Variants in PTCH1 observed in about 807,000 individuals in gnomAD.
PTCH1 encodes protein patched homolog 1.
Under a neutral mutation model 144.6 loss-of-function variants are expected in PTCH1, and 14 were observed. The ratio of observed to expected loss-of-function variants is 0.10; its 90% CI spans 0.06 to 0.15. The LOEUF is 0.15. Ranked by LOEUF, PTCH1 falls within the 10% of genes least tolerant of loss-of-function variation. The probability of loss-of-function intolerance (pLI) is 1.00; values close to 1 mark genes in which losing one functional copy is unlikely to be tolerated. For synonymous variants in PTCH1, 833 were observed against 793.6 expected (o/e 1.05, Z -0.83); for missense variants, 1,623 against 1,948.3 (o/e 0.83, Z 3.14).
intron 16 of PTCH1, among the ~76,000 whole-genome samples, chr9:95,461,530 A>C (rs921422689): frequency 1.3e-5 from 2 of 152,200 alleles, no homozygotes; most frequent in African/African-American, 4.8e-5. Flanking sequence ...CCTAGAACTG[A>C]AAGAATCACA....
rs929099323 is a variant in PTCH1, at chr9:95,449,695, G to A, written c.3549+146C>T. On this transcript the variant is annotated intron_variant, in intron 21 of 23. Transcript: ENST00000331920. This position sits in a 1 kb window ranked among gnomAD's most constrained non-coding sequence, Gnocchi z 5.3. ...CTCTAGCCCTCAAAGCCAGTACACC[G>A]AAGAGGAAAACAGACATGACTCTGA... 5.7e-6 allele frequency: 5 copies of A among 870,822 alleles called. No individual in the cohort carries two copies. Among genetic ancestry groups the A allele is most frequent in the East Asian group, 5.3e-5 (2 of 37,754 alleles). The allele number at this position is 870,822 out of a possible 1,614,324, so 53.9% of individuals were successfully genotyped here.
rs183556626 is a variant in PTCH1 at position 95,486,990 on chromosome 9, C to T, written c.395-1116G>A. On this transcript the variant is annotated intron_variant, in intron 2 of 23. Transcript: ENST00000331920. ...TGCAGCGACAGTTTAGAAAAAAACT[C>T]AGTGATCATAGCTTTCCCACGAGGA... Among the ~76,000 whole-genome samples, 515 of 152,318 alleles carry T rather than the reference C, an allele frequency of 3.4e-3. 9 individuals are homozygous for T. The highest frequency in any genetic ancestry group is 1.1e-3 in the Non-Finnish European group (77 of 68,020).
intron 12 of PTCH1, among the ~76,000 whole-genome samples, chr9:95,472,102 AC>A (rs1172906261): frequency 7.2e-6 from 1 of 139,776 alleles, no homozygotes; most frequent in African/African-American, 3.3e-5. Context: ...TGTGAAAAAA[AC>A]ACAGAGTGTG....
chr9:95,454,550 T>G (rs1282865022), intron 19 of PTCH1, among the ~76,000 whole-genome samples: 3 of 152,228 alleles, frequency 2.0e-5, no homozygotes, highest in African/African-American at 7.2e-5. Flanking sequence ...GTAAAGACAT[T>G]AGGGTCAATA....
chr9:95,458,319 G>A lies in PTCH1; in HGVS notation c.2888-26C>T. 2.5e-6 allele frequency: 4 copies of A among 1,611,252 alleles called. No individual in the cohort carries two copies. The highest frequency in any genetic ancestry group is 3.4e-6 in the Non-Finnish European group (4 of 1,178,970). On this transcript the variant is annotated intron_variant, in intron 17 of 23. Coordinates refer to ENST00000331920, the MANE Select transcript of PTCH1 (RefSeq NM_000264.5). This position sits in a 1 kb window ranked among gnomAD's most constrained non-coding sequence, Gnocchi z 4.7. Reference sequence around the variant, plus strand: ...CTGGACAGAGAAGGGCACAGGTTAGGAGCAGCCCAGGGTAGAAGAGCATCA... The same window carrying A: ...CTGGACAGAGAAGGGCACAGGTTAGAAGCAGCCCAGGGTAGAAGAGCATCA...
At chr9:95,495,866 G>A (rs1057285263) in intron 2 of PTCH1, among the ~76,000 whole-genome samples, 18 of 152,050 alleles carry the variant, frequency 1.2e-4, no homozygotes, top group African/African-American at 3.9e-4. Flanking sequence ...CCTCCATCCC[G>A]GCCCCACTCA....
chr9:95,511,744 G>A (rs977653530), upstream of PTCH1, among the ~76,000 whole-genome samples: 3 of 152,208 alleles, frequency 2.0e-5, no homozygotes, highest in Non-Finnish European at 4.4e-5. Flanking sequence ...CAGGAAAAGA[G>A]GTTTACTATT....
chr9:95,461,711 A>G, intron 16 of PTCH1, 145 bp downstream of exon 16: 1 of 1,148,848 alleles, frequency 8.7e-7, no homozygotes, highest in Non-Finnish European at 1.2e-6. Context: ...GGTGAATTAG[A>G]GTCACCCAAT....
chr9:95,484,730 C>T (rs985226468), intron 3 of PTCH1, among the ~76,000 whole-genome samples: 2 of 152,150 alleles, frequency 1.3e-5, no homozygotes, highest in Non-Finnish European at 2.9e-5. Context: ...AATCAACAAA[C>T]TGAATGCCCA....
chr9:95,477,726 CAG>C (rs756444769), intron 9 of PTCH1, 24 bp from the exon 10 acceptor site: 4 of 1,613,448 alleles, frequency 2.5e-6, no homozygotes, highest in Non-Finnish European at 3.4e-6. Flanking sequence ...AATGGGGGCA[CAG>C]AACAAAAGCC....
intron 19 of PTCH1, among the ~76,000 whole-genome samples, chr9:95,455,872 T>A: frequency 6.6e-6 from 1 of 152,194 alleles, no homozygotes; most frequent in Middle Eastern, 3.2e-3. Context: ...TCTCATTTTA[T>A]CCCCACTGTT....
chr9:95,479,443 C>T (rs1841358482), intron 7 of PTCH1, among the ~76,000 whole-genome samples: 2 of 152,190 alleles, frequency 1.3e-5, no homozygotes, highest in South Asian at 4.1e-4. Flanking sequence ...GAGCAGATAG[C>T]TTGAACAGAT....
Position 95,476,737 on chromosome 9 carries a change from T to C in PTCH1, c.1602+22A>G, listed in dbSNP as rs1841067641. ...GGAAGCTGTGATGTCCCCAAAGCTC[T>C]CTTCTTTTGTTTTTGCATTACCTCA... On this transcript the variant is annotated intron_variant, in intron 11 of 23. Coordinates refer to ENST00000331920, the MANE Select transcript of PTCH1 (RefSeq NM_000264.5). The surrounding 1 kb of genome is among the most constrained non-coding windows in gnomAD (Gnocchi z 4.6). 1 of 1,603,444 alleles carries C rather than the reference T, an allele frequency of 6.2e-7. No individual in the cohort carries two copies.
chr9:95,477,494 G>T (rs1841143059), intron 10 of PTCH1, 53 bp downstream of exon 10: 2 of 1,612,496 alleles, frequency 1.2e-6, no homozygotes, highest in Non-Finnish European at 1.7e-6. Flanking sequence ...GGCCAAGCCT[G>T]GGGGCCGGGT....
chr9:95,454,111 A>G (rs1838708765), intron 19 of PTCH1, among the ~76,000 whole-genome samples: 2 of 152,228 alleles, frequency 1.3e-5, no homozygotes. Context: ...AGTACATCTA[A>G]GCACTATGAG....
At chr9:95,516,197 C>A (rs1844354728) in intron 1 of PTCH1, among the ~76,000 whole-genome samples, 1 of 150,556 alleles carries the variant, frequency 6.6e-6, no homozygotes, top group Non-Finnish European at 1.5e-5. Flanking sequence ...GCGGCCAGCC[C>A]CCTCCCCGCC....
chr9:95,463,566 G>A (rs180903812), intron 15 of PTCH1, among the ~76,000 whole-genome samples: 5 of 152,282 alleles, frequency 3.3e-5, no homozygotes, highest in Non-Finnish European at 7.4e-5. Context: ...GGGAGGCCTC[G>A]TCTGTTTTCC....
intron 2 of PTCH1, among the ~76,000 whole-genome samples, chr9:95,497,792 T>C (rs1370766396): frequency 6.6e-6 from 1 of 152,176 alleles, no homozygotes; most frequent in Non-Finnish European, 1.5e-5. Flanking sequence ...TCTTTGCCAT[T>C]CCAATGTGTT....
chr9:95,489,037 C>T (rs1458455092), intron 2 of PTCH1, among the ~76,000 whole-genome samples: 2 of 152,124 alleles, frequency 1.3e-5, no homozygotes, highest in Admixed American at 1.3e-4. Context: ...AGCTCCCTCT[C>T]GGGTATAACT....
Sources: allele counts gnomAD v4.1 joint callset (sites outside exome capture counted in the v4.1 genomes callset), GRCh38; gene constraint gnomAD v4.1.1; non-coding constraint Gnocchi (gnomAD v3.1); transcripts MANE v1.5; gene names NCBI Gene and HGNC (gene_info 2026-07-23, HGNC 2026-07-21).